The following CRYBG1 variants were observed in gnomAD, a reference collection of about 807,000 sequenced individuals.
The protein encoded by CRYBG1 is crystallin beta-gamma domain containing 1, also known as beta/gamma crystallin domain-containing protein 1.
In CRYBG1, 139 loss-of-function variants were observed where a neutral mutation model predicts 189.2. The observed-to-expected ratio is 0.73, with a 90% CI of 0.64 to 0.85. The LOEUF is 0.85. Among genes scored for constraint, CRYBG1 ranks in the 40% least tolerant of loss-of-function variants. CRYBG1 has a pLI of 0.00. For missense variants in CRYBG1, 2,611 were observed against 2,675.8 expected, an observed-to-expected ratio of 0.98 and a Z score of 0.53; for synonymous variants, 1,023 against 1,017.1, an observed-to-expected ratio of 1.01 and a Z score of -0.11.
intron 1 of CRYBG1, among the ~76,000 whole-genome samples, chr6:106,422,344 A>ATTTTTTTTTTTT (rs145135507): frequency 4.3e-5 from 6 of 139,972 alleles, no homozygotes; most frequent in Non-Finnish European, 7.7e-5. Flanking sequence ...TTATTTATTT[A>ATTTTTTTTTTTT]TTTTTGAGAC....
chr6:106,511,772 G>A lies in CRYBG1; in HGVS notation c.655G>A (p.Ala219Thr). The change falls in exon 3 of 22, where the codon GCA becomes ACA. Residue 219 changes from alanine to threonine, a missense_variant. Transcript: ENST00000633556. Reference sequence around the variant, plus strand: ...GCTGTCACCTCGCTGGAGCAGCAGTGCAGCGGCTGTGGCTGTGCAGCAGTG... The same window carrying A: ...GCTGTCACCTCGCTGGAGCAGCAGTACAGCGGCTGTGGCTGTGCAGCAGTG... The part of the protein sequence containing the change: ...AELSPRWSSS[A>T]AAVAVQQCHE... The A allele has an allele frequency of 6.5e-7, 1 of 1,535,164 alleles. No homozygotes were observed. The highest frequency in any genetic ancestry group is 8.7e-7 in the Non-Finnish European group (1 of 1,146,428).
intron 8 of CRYBG1, among the ~76,000 whole-genome samples, chr6:106,535,489 G>A (rs565494120): frequency 5.9e-5 from 9 of 152,126 alleles, no homozygotes; most frequent in African/African-American, 2.2e-4. Context: ...TTCCACATAG[G>A]ATTCAGCCTG....
rs1414725641 is a variant in CRYBG1, at chr6:106,512,060, G to A, written c.943G>A (p.Gly315Arg). The part of the protein sequence containing the change: ...PAGGLGEAPN[G>R]APSVCAEEGS... ...GGGAGGACTAGGCGAGGCCCCTAAC[G>A]GAGCCCCCAGTGTGTGTGCCGAAGA... The change falls in exon 3 of 22, where the codon GGA becomes AGA. Residue 315 changes from glycine (G) to arginine (R), a missense_variant. Coordinates refer to ENST00000633556, the MANE Select transcript of CRYBG1 (RefSeq NM_001371242.2). The A allele has an allele frequency of 5.9e-6, 9 of 1,533,408 alleles. No homozygotes were observed. The highest frequency in any genetic ancestry group is 7.9e-6 in the Non-Finnish European group (9 of 1,145,738). The allele number at this position is 1,533,408 out of a possible 1,614,324, so 95.0% of individuals were successfully genotyped here.
At chr6:106,446,644 G>C (rs1771669183) in intron 1 of CRYBG1, among the ~76,000 whole-genome samples, 1 of 152,150 alleles carries the variant, frequency 6.6e-6, no homozygotes, top group African/African-American at 2.4e-5. Flanking sequence ...GAACAACTTG[G>C]TGGTGTAGAC....
At chr6:106,434,420 T>C (rs562521160) in intron 1 of CRYBG1, among the ~76,000 whole-genome samples, 2 of 152,332 alleles carry the variant, frequency 1.3e-5, no homozygotes, top group East Asian at 1.9e-4. Flanking sequence ...TTTTCCTGTC[T>C]TTAAGTTTAT....
intron 3 of CRYBG1, among the ~76,000 whole-genome samples, chr6:106,516,235 GCTT>G (rs923817346): frequency 3.8e-4 from 52 of 135,068 alleles, no homozygotes; most frequent in Non-Finnish European, 1.1e-4. Context: ...TTAGGCCCAA[GCTT>G]CTTTTTTTTT....
In CRYBG1 at chr6:106,521,431, G is replaced by C. The variant is rs142050085; in HGVS notation, c.4223G>C (p.Gly1408Ala). 1.3e-6 allele frequency: 2 copies of C among 1,585,290 alleles called. No individual in the cohort carries two copies. Among genetic ancestry groups the C allele is most frequent in the Admixed American group, 1.9e-5 (1 of 52,740 alleles). ...TATGACCCAAGCATTTCTTTTTCTG[G>C]AATGTCATTATCAGACACAATGGTA... is the stretch of plus-strand genomic sequence containing the variant. ...SRYDPSISFS[G>A]MSLSDTMTLR... is the part of the protein sequence containing the mutation. Residue 1408 changes from glycine (G) to alanine (A), a missense_variant, in exon 4 of 22, where the codon GGA becomes GCA. This residue lies in a region of CRYBG1 where 1,622 missense variants were observed against 1,735.0 expected (regional missense o/e 0.93). Transcript: ENST00000633556.
chr6:106,441,853 C>T (rs929901564), intron 1 of CRYBG1, among the ~76,000 whole-genome samples: 1 of 152,008 alleles, frequency 6.6e-6, no homozygotes, highest in South Asian at 2.1e-4. Context: ...AAAAAATGAA[C>T]CTCCATAAGA....
Position 106,511,684 on chromosome 6 carries a change from T to C in CRYBG1, c.567T>C (p.Asn189=). The change falls in exon 3 of 22, where the codon AAT becomes AAC. Residue 189 remains asparagine, a synonymous_variant. Transcript: ENST00000633556. The part of the protein sequence containing the change: ...DTSEEGSPRE[N]PREAEGELPE... ...GCGAGGAGGGCTCCCCGCGGGAGAATCCCCGAGAGGCAGAGGGCGAGCTCC... is the reference window on the plus strand; with the variant it reads ...GCGAGGAGGGCTCCCCGCGGGAGAACCCCCGAGAGGCAGAGGGCGAGCTCC... The C allele has an allele frequency of 6.5e-7, 1 of 1,534,134 alleles. No homozygotes were observed. The highest frequency in any genetic ancestry group is 8.7e-7 in the Non-Finnish European group (1 of 1,146,224).
chr6:106,413,448 G>A (rs1346472217), intron 1 of CRYBG1, among the ~76,000 whole-genome samples: 1 of 152,156 alleles, frequency 6.6e-6, no homozygotes, highest in African/African-American at 2.4e-5. Context: ...AGGCTGAGGT[G>A]GGTGGATCGC....
chr6:106,521,265 GA>G lies in CRYBG1; in HGVS notation c.4060del (p.Thr1354LeufsTer9). The G allele has an allele frequency of 6.2e-7, 1 of 1,613,844 alleles. No homozygotes were observed. Among genetic ancestry groups the G allele is most frequent in the Non-Finnish European group, 8.5e-7 (1 of 1,179,956 alleles). ...LDSRSNLHLP[E>X]TKFSELSKLK... ...TTCACGAAGCAACCTACACTTGCCAGAAACTAAATTTTCTGAATTGTCAAAA... is the reference window on the plus strand; with the variant it reads ...TTCACGAAGCAACCTACACTTGCCAGAACTAAATTTTCTGAATTGTCAAAA... On this transcript the variant is annotated frameshift_variant, in exon 4 of 22. Coordinates refer to ENST00000633556, the MANE Select transcript of CRYBG1 (RefSeq NM_001371242.2). LOFTEE classifies it high-confidence loss of function.
intron 2 of CRYBG1, among the ~76,000 whole-genome samples, chr6:106,510,765 C>G (rs1478808655): frequency 6.6e-6 from 1 of 152,246 alleles, no homozygotes; most frequent in East Asian, 1.9e-4. Flanking sequence ...AAAGCCTTTC[C>G]GATGCGCTCT....
chr6:106,474,827 A>G (rs756620608), intron 2 of CRYBG1, among the ~76,000 whole-genome samples: 8 of 152,134 alleles, frequency 5.3e-5, no homozygotes, highest in Admixed American at 2.0e-4. Flanking sequence ...CTGAAGGTAA[A>G]TTTTTAAAGG....
At chr6:106,387,003 T>C (rs544571904) in intron 1 of CRYBG1, among the ~76,000 whole-genome samples, 1 of 152,334 alleles carries the variant, frequency 6.6e-6, no homozygotes, top group East Asian at 1.9e-4. Flanking sequence ...TTTTCTTTTA[T>C]TCTTGTAACT....
chr6:106,483,093 T>C (rs1363699611), intron 2 of CRYBG1, among the ~76,000 whole-genome samples: 2 of 152,148 alleles, frequency 1.3e-5, no homozygotes, highest in African/African-American at 4.8e-5. Context: ...TTACTCTTTC[T>C]ATCTAATTGT....
chr6:106,378,836 A>T (rs1181633830), intron 1 of CRYBG1, among the ~76,000 whole-genome samples: 1 of 151,944 alleles, frequency 6.6e-6, no homozygotes, highest in Non-Finnish European at 1.5e-5. Context: ...CCCTTTTTTT[A>T]AAACTTAAAA....
intron 13 of CRYBG1, among the ~76,000 whole-genome samples, chr6:106,550,215 T>C (rs1318382772): frequency 1.3e-5 from 2 of 152,246 alleles, no homozygotes; most frequent in African/African-American, 4.8e-5. Context: ...ACTTACTGTG[T>C]CTTAGGTTTT....
intron 1 of CRYBG1, among the ~76,000 whole-genome samples, chr6:106,418,749 A>T (rs1229308022): frequency 6.6e-6 from 1 of 152,230 alleles, no homozygotes; most frequent in Non-Finnish European, 1.5e-5. Context: ...GCCTCATGCC[A>T]AGGAAATCAA....
intron 1 of CRYBG1, among the ~76,000 whole-genome samples, chr6:106,451,146 G>C (rs575768648): frequency 6.6e-6 from 1 of 152,148 alleles, no homozygotes; most frequent in Non-Finnish European, 1.5e-5. Flanking sequence ...TGGCTTTGGG[G>C]TAGGCAACCA....
Sources: allele counts gnomAD v4.1 joint callset (sites outside exome capture counted in the v4.1 genomes callset), GRCh38; gene constraint gnomAD v4.1.1; regional missense constraint gnomAD v4.1.1; transcripts MANE v1.5; gene names NCBI Gene and HGNC (gene_info 2026-07-23, HGNC 2026-07-21).